The following ATAD3C variants were observed in gnomAD, a reference collection of about 807,000 sequenced individuals.
ATAD3C encodes the protein ATPase family AAA domain-containing protein 3C.
In ATAD3C, 38 loss-of-function variants were observed where a neutral mutation model predicts 46.3. The observed-to-expected ratio is 0.82, with a 90% CI of 0.63 to 1.08. The LOEUF is 1.08. Ranked by LOEUF, ATAD3C falls within the 50% of genes least tolerant of loss-of-function variation. ATAD3C has a pLI of 0.00. For missense variants in ATAD3C, 563 were observed against 572.7 expected (o/e 0.98, Z 0.17); for synonymous variants, 220 against 236.4 (o/e 0.93, Z 0.63).
chr1:1,454,543 C>T, intron 4 of ATAD3C, 43 bp downstream of exon 4: 8 of 1,583,994 alleles, frequency 5.1e-6, no homozygotes, highest in Non-Finnish European at 6.0e-6. Flanking sequence ...AAGTGCCTGG[C>T]TGAGTCCCTT....
chr1:1,467,943 C>T (rs566354882), intron 11 of ATAD3C, among the ~76,000 whole-genome samples: 1 of 152,196 alleles, frequency 6.6e-6, no homozygotes, highest in African/African-American at 2.4e-5. Flanking sequence ...CTTGGTGCCA[C>T]CAGCCACGTG....
Position 1,468,383 on chromosome 1 carries a change from G to A in ATAD3C, c.1090-1G>A, listed in dbSNP as rs1639179135. The A allele has an allele frequency of 6.2e-7, 1 of 1,608,388 alleles. No homozygotes were observed. The highest frequency in any genetic ancestry group is 1.7e-5 in the Admixed American group (1 of 58,240). ...CCCTCAGCTCCCTCTCTCCCCACTA[G>A]GCCACGGCGTATGCCTCCAAGGACG... On this transcript the variant is annotated splice_acceptor_variant, in intron 11 of 11. Coordinates refer to ENST00000378785, the MANE Select transcript of ATAD3C (RefSeq NM_001039211.3). LOFTEE classifies it high-confidence loss of function.
At chr1:1,455,416 T>A (rs1638941225) in intron 4 of ATAD3C, 44 bp from the exon 5 acceptor site, 2 of 1,606,280 alleles carry the variant, frequency 1.2e-6, no homozygotes, top group Non-Finnish European at 1.7e-6. Flanking sequence ...GGCTGTTCCG[T>A]GGCTGTGGCA....
In ATAD3C at chr1:1,452,031, G is replaced by A; in HGVS notation, c.76-15G>A. 6.2e-7 allele frequency: 1 copy of A among 1,613,188 alleles called. No individual in the cohort carries two copies. Among genetic ancestry groups the A allele is most frequent in the Non-Finnish European group, 8.5e-7 (1 of 1,179,428 alleles). ...GTTTTAAAGGCTTTTCTCTTTTTCT[G>A]CGGCTTCTTCTCAGCAACTTGTCAA... On this transcript the variant is annotated splice_polypyrimidine_tract_variant and intron_variant, in intron 1 of 11. Coordinates refer to ENST00000378785, the MANE Select transcript of ATAD3C (RefSeq NM_001039211.3).
chr1:1,462,774 C>G lies in ATAD3C; in HGVS notation c.1089+66C>G. 6.7e-7 allele frequency: 1 copy of G among 1,496,304 alleles called. No individual in the cohort carries two copies. The highest frequency in any genetic ancestry group is 9.1e-7 in the Non-Finnish European group (1 of 1,098,624). The allele number at this position is 1,496,304 out of a possible 1,614,324, so 92.7% of individuals were successfully genotyped here. Reference sequence around the variant, plus strand: ...GCTGCTGTGCAGATGCTTGGTTGCGCCAGGCCTGTCCCAGCACCGGTGTCA... The same window carrying G: ...GCTGCTGTGCAGATGCTTGGTTGCGGCAGGCCTGTCCCAGCACCGGTGTCA... On this transcript the variant is annotated intron_variant, in intron 11 of 11. Transcript: ENST00000378785. The surrounding 1 kb of genome is among the most constrained non-coding windows in gnomAD (Gnocchi z 4.5).
In ATAD3C at chr1:1,462,100, G is replaced by A. The variant is rs1190337467; in HGVS notation, c.981-500G>A. On this transcript the variant is annotated intron_variant, in intron 10 of 11. Coordinates refer to ENST00000378785, the MANE Select transcript of ATAD3C (RefSeq NM_001039211.3). This position sits in a 1 kb window ranked among gnomAD's most constrained non-coding sequence, Gnocchi z 4.5. ...CCAAATCCCTGCTGTCGCCAGTGACGACAAAAGCTGCTCTGTTCCAAAGAG... is the reference window on the plus strand; with the variant it reads ...CCAAATCCCTGCTGTCGCCAGTGACAACAAAAGCTGCTCTGTTCCAAAGAG... Among the ~76,000 whole-genome samples, 3 of 152,018 alleles carry A rather than the reference G, an allele frequency of 2.0e-5. No homozygotes were observed. The highest frequency in any genetic ancestry group is 2.1e-4 in the South Asian group (1 of 4,820).
chr1:1,460,844 CAGG>C lies in ATAD3C; in HGVS notation c.913_915del (p.Glu305del). ...GATGGTCCACTTCGACCTGCCAGGG[CAGG>C]AGGAGCGGGCGCGCCTGGTGAGAAT... On this transcript the variant is annotated inframe_deletion, in exon 10 of 12. Coordinates refer to ENST00000378785, the MANE Select transcript of ATAD3C (RefSeq NM_001039211.3). The C allele has an allele frequency of 6.2e-7, 1 of 1,613,152 alleles. No homozygotes were observed. The highest frequency in any genetic ancestry group is 8.5e-7 in the Non-Finnish European group (1 of 1,179,472).
intron 8 of ATAD3C, among the ~76,000 whole-genome samples, 170 bp from the exon 9 acceptor site, chr1:1,458,991 T>C (rs1639013080): frequency 6.6e-6 from 1 of 151,822 alleles, no homozygotes; most frequent in Admixed American, 6.6e-5. Flanking sequence ...AAAATCCAGG[T>C]TACATTCGTG....
chr1:1,466,923 AGTG>A (rs1233549757), intron 11 of ATAD3C, among the ~76,000 whole-genome samples: 2 of 152,008 alleles, frequency 1.3e-5, no homozygotes, highest in East Asian at 3.8e-4. Flanking sequence ...GAGTTTGAGG[AGTG>A]GTACTGATTC....
chr1:1,466,623 T>G (rs1639150496), intron 11 of ATAD3C, among the ~76,000 whole-genome samples: 3 of 151,876 alleles, frequency 2.0e-5, no homozygotes, highest in African/African-American at 7.3e-5. Context: ...TCCTCCACTC[T>G]GCTAATATTG....
rs984190497 is a variant in ATAD3C at position 1,460,059 on chromosome 1, G to A, written c.813-691G>A. ...GCCCCCGAGGTCCTGCTCCTGGCTCGCGTGGCAGTATTTTTTTTTTTTTTT... is the reference window on the plus strand; with the variant it reads ...GCCCCCGAGGTCCTGCTCCTGGCTCACGTGGCAGTATTTTTTTTTTTTTTT... On this transcript the variant is annotated intron_variant, in intron 9 of 11. Coordinates refer to ENST00000378785, the MANE Select transcript of ATAD3C (RefSeq NM_001039211.3). Among the ~76,000 whole-genome samples the A allele has an allele frequency of 1.5e-4, 22 of 150,140 alleles. No homozygotes were observed. The South Asian group carries it at 3.4e-3, about 23-fold the overall frequency.
rs2100496035 is a variant in ATAD3C at position 1,469,555 on chromosome 1, T to G, written c.*1025T>G. On this transcript the variant is annotated 3_prime_UTR_variant, in exon 12 of 12. Coordinates refer to ENST00000378785, the MANE Select transcript of ATAD3C (RefSeq NM_001039211.3). Reference sequence around the variant, plus strand: ...TTGGTTTTTCTCCTCTCTTATTTTTTTGGGTAGAGACAGGGTCCCTTTGTT... The same window carrying G: ...TTGGTTTTTCTCCTCTCTTATTTTTGTGGGTAGAGACAGGGTCCCTTTGTT... 1 of 151,946 alleles carries G rather than the reference T, an allele frequency of 6.6e-6. No homozygotes were observed. Among genetic ancestry groups the G allele is most frequent in the Non-Finnish European group, 1.5e-5 (1 of 67,952 alleles). The allele number at this position is 151,946 out of a possible 1,614,324, so 9.4% of individuals were successfully genotyped here. A position where few individuals can be genotyped will look rare whatever the true frequency, so the allele number is the denominator to read the frequency against.
intron 3 of ATAD3C, among the ~76,000 whole-genome samples, chr1:1,454,056 C>G (rs147622705): frequency 1.3e-5 from 2 of 152,066 alleles, no homozygotes; most frequent in African/African-American, 4.8e-5. Context: ...GTGACATATC[C>G]AGCTGGGTCT....
At chr1:1,457,760 C>A (rs1638991222) in intron 8 of ATAD3C, among the ~76,000 whole-genome samples, 1 of 151,502 alleles carries the variant, frequency 6.6e-6, no homozygotes, top group African/African-American at 2.4e-5. Context: ...CTCACTGCAA[C>A]CTCCGCCTCC....
In ATAD3C at chr1:1,468,910, A is replaced by G; in HGVS notation, c.*380A>G. 1 of 253,266 alleles carries G rather than the reference A, an allele frequency of 3.9e-6. No individual in the cohort carries two copies. Among genetic ancestry groups the G allele is most frequent in the South Asian group, 4.4e-5 (1 of 22,790 alleles). 15.7% of individuals were successfully genotyped at this position (253,266 alleles called of 1,614,324 possible). A position where few individuals can be genotyped will look rare whatever the true frequency, so the allele number is the denominator to read the frequency against. Reference sequence around the variant, plus strand: ...CACACGGTGGAGGGAAGTGCACGCGAAACAGACACAGCGGCTTCAAATAGA... The same window carrying G: ...CACACGGTGGAGGGAAGTGCACGCGGAACAGACACAGCGGCTTCAAATAGA... On this transcript the variant is annotated 3_prime_UTR_variant, in exon 12 of 12. Transcript: ENST00000378785.
chr1:1,452,812 G>A (rs75314576), intron 3 of ATAD3C, among the ~76,000 whole-genome samples: 14,518 of 117,792 alleles, frequency 0.12, 1,916 homozygotes, highest in East Asian at 0.61. Flanking sequence ...AAAAAAAAAA[G>A]AAAGAAAGAA....
At chr1:1,468,250 C>T (rs1052807449) in intron 11 of ATAD3C, 134 bp from the exon 12 acceptor site, 21 of 1,389,736 alleles carry the variant, frequency 1.5e-5, no homozygotes, top group South Asian at 7.8e-5. Flanking sequence ...TGCCGAGGTG[C>T]GGGTAGCCTG....
intron 3 of ATAD3C, among the ~76,000 whole-genome samples, chr1:1,453,306 G>A (rs1276400586): frequency 6.6e-6 from 1 of 152,058 alleles, no homozygotes; most frequent in Admixed American, 6.6e-5. Context: ...GGGTTCAAGC[G>A]ATTCTCTTGC....
rs1241874441 is a variant in ATAD3C, at chr1:1,454,358, C to T, written c.236C>T (p.Thr79Met). 4.3e-5 allele frequency: 68 copies of T among 1,598,602 alleles called. 2 individuals are homozygous for T. Among genetic ancestry groups the T allele is most frequent in the Admixed American group, 1.4e-4 (8 of 58,152 alleles). The change falls in exon 4 of 12, where the codon ACG (threonine) becomes ATG (methionine). Residue 79 changes from threonine (T) to methionine (M), a missense_variant. By Grantham distance (81) the Thr-to-Met change is moderately conservative (BLOSUM62 -1). Coordinates refer to ENST00000378785, the MANE Select transcript of ATAD3C (RefSeq NM_001039211.3). ...DKVTATVAGL[T>M]LLAVGVYSAK... ...TCTCTGCTGCAGGTGGCTGGGCTGA[C>T]GCTGCTGGCTGTCGGGGTCTACTCA...
Sources: allele counts gnomAD v4.1 joint callset (sites outside exome capture counted in the v4.1 genomes callset), GRCh38; gene constraint gnomAD v4.1.1; non-coding constraint Gnocchi (gnomAD v3.1); transcripts MANE v1.5; gene names NCBI Gene and HGNC (gene_info 2026-07-23, HGNC 2026-07-21).